The following SHQ1 variants were observed in gnomAD, a reference collection of about 807,000 sequenced individuals.
SHQ1 encodes the protein protein SHQ1 homolog.
SHQ1 carries 49 observed loss-of-function variants against 53.8 expected under a neutral mutation model. The ratio of observed to expected loss-of-function variants is 0.91; its 90% confidence interval spans 0.72 to 1.16. SHQ1 has a LOEUF of 1.16. Ranked by LOEUF, SHQ1 falls within the 50% of genes most tolerant of loss-of-function variation. The pLI, the probability that SHQ1 is intolerant of heterozygous loss-of-function variation, is 0.00. For synonymous variants in SHQ1, 243 were observed against 251.0 expected (o/e 0.97, Z 0.30); for missense variants, 738 against 683.1 (o/e 1.08, Z -0.90).
In SHQ1 at chr3:72,749,528, T is replaced by C. The variant is rs1267779843; in HGVS notation, c.*756A>G. 1.4e-5 allele frequency: 3 copies of C among 219,834 alleles called. No individual in the cohort carries two copies. Among genetic ancestry groups the C allele is most frequent in the African/African-American group, 2.2e-5 (1 of 44,576 alleles). 13.6% of individuals were successfully genotyped at this position (219,834 alleles called of 1,614,324 possible). On this transcript the variant is annotated 3_prime_UTR_variant, in exon 11 of 11. Transcript: ENST00000325599. ...TCAATTTACATAGAATTCTAGGACA[T>C]GCAAACTAATAACAGGGCACAAGGG...
At chr3:72,816,788 T>C (rs1226626104) in intron 7 of SHQ1, among the ~76,000 whole-genome samples, 1 of 152,214 alleles carries the variant, frequency 6.6e-6, no homozygotes, top group Non-Finnish European at 1.5e-5. Flanking sequence ...CACTTGCAGG[T>C]AAATACTAAG....
chr3:72,824,404 G>C lies in SHQ1; in HGVS notation c.727+20C>G. 6.2e-7 allele frequency: 1 copy of C among 1,608,500 alleles called. No individual in the cohort carries two copies. The highest frequency in any genetic ancestry group is 8.5e-7 in the Non-Finnish European group (1 of 1,178,954). ...TGAGATTTTAAAATGAAACAAATTA[G>C]CCGAATTTGAGTTTCTTACCTAATG... On this transcript the variant is annotated intron_variant, in intron 6 of 10. Transcript: ENST00000325599.
intron 8 of SHQ1, among the ~76,000 whole-genome samples, chr3:72,814,932 T>C (rs1179282316): frequency 6.6e-6 from 1 of 152,198 alleles, no homozygotes; most frequent in Non-Finnish European, 1.5e-5. Context: ...TGAAGTTTTT[T>C]TACATATACA....
the SHQ1 span, among the ~76,000 whole-genome samples, chr3:72,743,914 T>A: frequency 3.3e-5 from 5 of 152,180 alleles, no homozygotes; most frequent in Non-Finnish European, 7.4e-5. Context: ...GGTGACCTCC[T>A]GGAGGAAGTG....
In SHQ1 at chr3:72,844,368, C is replaced by T; in HGVS notation, c.199G>A (p.Ala67Thr). Residue 67 changes from alanine to threonine, a missense_variant, in exon 2 of 11, where the codon GCA becomes ACA. By Grantham distance (58) the Ala-to-Thr change is moderately conservative. Transcript: ENST00000325599. ...ATTCCAAAGACAATACCTTTATCTG[C>T]ATCATAGGACCCTTGCTCACTTCCA... ...ENGSEQGSYD[A>T]DKGIFTIRLP... 1 of 1,613,562 alleles carries T rather than the reference C, an allele frequency of 6.2e-7. No individual in the cohort carries two copies. The highest frequency in any genetic ancestry group is 8.5e-7 in the Non-Finnish European group (1 of 1,179,630).
At chr3:72,775,455 A>G (rs923791355) in intron 10 of SHQ1, among the ~76,000 whole-genome samples, 3 of 149,014 alleles carry the variant, frequency 2.0e-5, no homozygotes, top group African/African-American at 7.5e-5. Flanking sequence ...GAAAGACACA[A>G]TGGCTTTTTT....
At chr3:72,743,752 C>T in the SHQ1 span, among the ~76,000 whole-genome samples, 4 of 152,106 alleles carry the variant, frequency 2.6e-5, no homozygotes, top group Admixed American at 1.3e-4. Context: ...GTGTGGGATC[C>T]AAAGCTGAAA....
At position 72,841,199 on chromosome 3, in the gene SHQ1, C is replaced by A; in HGVS notation, c.332G>T (p.Gly111Val). Residue 111 changes from glycine (G) to valine (V), a missense_variant and splice_region_variant, in exon 4 of 11, where the codon GGT becomes GTT. Coordinates refer to ENST00000325599, the MANE Select transcript of SHQ1 (RefSeq NM_018130.3). ...RTAKPLVEEIGASEIPEEVVD... is the reference protein window; with the variant it reads ...RTAKPLVEEIVASEIPEEVVD... ...TACTTCCTCAGGAATCTCAGAAGCACCTGAATGTGTTAAATTTTAATTTTT... is the reference window on the plus strand; with the variant it reads ...TACTTCCTCAGGAATCTCAGAAGCAACTGAATGTGTTAAATTTTAATTTTT... 1 of 1,602,250 alleles carries A rather than the reference C, an allele frequency of 6.2e-7. No homozygotes were observed. Among genetic ancestry groups the A allele is most frequent in the Non-Finnish European group, 8.5e-7 (1 of 1,176,780 alleles).
At chr3:72,738,077 C>T in the SHQ1 span, among the ~76,000 whole-genome samples, 396 of 152,310 alleles carry the variant, frequency 2.6e-3, 2 homozygotes, top group African/African-American at 9.3e-3. Flanking sequence ...CACATCTCTC[C>T]ACCTGAGACA....
intron 10 of SHQ1, among the ~76,000 whole-genome samples, chr3:72,791,519 A>T (rs1706436410): frequency 6.6e-6 from 1 of 152,214 alleles, no homozygotes; most frequent in African/African-American, 2.4e-5. Context: ...CCATGAAGAG[A>T]AATAAAAAAT....
the SHQ1 span, among the ~76,000 whole-genome samples, chr3:72,742,077 T>A: frequency 6.6e-6 from 1 of 151,618 alleles, no homozygotes; most frequent in Non-Finnish European, 1.5e-5. Flanking sequence ...AAACTATGCA[T>A]CTGGGTGTGG....
intron 10 of SHQ1, among the ~76,000 whole-genome samples, chr3:72,770,046 T>C (rs1335643305): frequency 2.6e-5 from 4 of 152,244 alleles, no homozygotes; most frequent in Admixed American, 6.5e-5. Flanking sequence ...ATGCCTGGTA[T>C]GCAGTAAGCC....
At chr3:72,797,599 A>T (rs1484246827) in intron 9 of SHQ1, among the ~76,000 whole-genome samples, 1 of 152,246 alleles carries the variant, frequency 6.6e-6, no homozygotes. Flanking sequence ...ATTAATATTT[A>T]AAAATTATAT....
At chr3:72,800,628 A>G (rs1706759103) in intron 9 of SHQ1, among the ~76,000 whole-genome samples, 1 of 152,238 alleles carries the variant, frequency 6.6e-6, no homozygotes, top group Admixed American at 6.5e-5. Flanking sequence ...AATGTCCAGC[A>G]AATTGTATGA....
At chr3:72,789,632 G>A (rs758236784) in intron 10 of SHQ1, among the ~76,000 whole-genome samples, 7 of 152,168 alleles carry the variant, frequency 4.6e-5, no homozygotes, top group Non-Finnish European at 1.0e-4. Context: ...CCTTTAATCC[G>A]GTCTAATAGG....
intron 5 of SHQ1, among the ~76,000 whole-genome samples, chr3:72,830,786 T>G (rs1168560803): frequency 2.6e-5 from 4 of 152,180 alleles, no homozygotes; most frequent in Non-Finnish European, 4.4e-5. Context: ...TCATGCATAG[T>G]ATTAAAGAAA....
At chr3:72,786,855 A>T (rs1706247045) in intron 10 of SHQ1, among the ~76,000 whole-genome samples, 1 of 152,178 alleles carries the variant, frequency 6.6e-6, no homozygotes, top group Non-Finnish European at 1.5e-5. Flanking sequence ...CTGATGTTGC[A>T]CCTCTGCATA....
At chr3:72,790,856 T>C (rs1706410567) in intron 10 of SHQ1, among the ~76,000 whole-genome samples, 1 of 152,172 alleles carries the variant, frequency 6.6e-6, no homozygotes, top group African/African-American at 2.4e-5. Context: ...TGCAAAGTAA[T>C]TTGAAGAGTT....
intron 5 of SHQ1, among the ~76,000 whole-genome samples, chr3:72,827,890 G>A (rs1346011056): frequency 6.6e-6 from 1 of 151,916 alleles, no homozygotes; most frequent in African/African-American, 2.4e-5. Flanking sequence ...AAGTAGCGGG[G>A]ACTACAGGCG....
Sources: allele counts gnomAD v4.1 joint callset (sites outside exome capture counted in the v4.1 genomes callset), GRCh38; gene constraint gnomAD v4.1.1; transcripts MANE v1.5; gene names NCBI Gene and HGNC (gene_info 2026-07-23, HGNC 2026-07-21).